The following DMRT1 variants were observed in gnomAD, a reference collection of about 807,000 sequenced individuals.
The protein encoded by DMRT1 is doublesex and mab-3 related transcription factor 1, also known as doublesex- and mab-3-related transcription factor 1.
A neutral mutation model predicts 32.3 loss-of-function variants in DMRT1; 7 were observed. That is an observed-to-expected ratio of 0.22 (90% CI 0.12 to 0.41). The LOEUF (loss-of-function observed/expected upper bound fraction) is 0.41. Among genes scored for constraint, DMRT1 ranks in the 10% least tolerant of loss-of-function variants. DMRT1 has a pLI of 1.00. For synonymous variants in DMRT1, 278 were observed against 206.1 expected, an observed-to-expected ratio of 1.35 and a Z score of -2.99; for missense variants, 625 against 500.5, an observed-to-expected ratio of 1.25 and a Z score of -2.37.
chr9:865,413 A>AT (rs1253517489), intron 2 of DMRT1, among the ~76,000 whole-genome samples: 1 of 151,818 alleles, frequency 6.6e-6, no homozygotes, highest in Non-Finnish European at 1.5e-5. Flanking sequence ...TAGAGTGCTC[A>AT]TTTTTTTCTT....
At chr9:858,480 C>T (rs139028846) in intron 2 of DMRT1, among the ~76,000 whole-genome samples, 117 of 152,196 alleles carry the variant, frequency 7.7e-4, no homozygotes, top group Middle Eastern at 3.4e-3. Context: ...TACCTACTTA[C>T]TTTTGGAGTC....
At chr9:951,323 C>T (rs1819421222) in intron 4 of DMRT1, among the ~76,000 whole-genome samples, 1 of 152,190 alleles carries the variant, frequency 6.6e-6, no homozygotes, top group African/African-American at 2.4e-5. Context: ...ACTGGTAAAT[C>T]ACTTTGAAAG....
intron 2 of DMRT1, among the ~76,000 whole-genome samples, chr9:862,493 G>T (rs1427614252): frequency 7.0e-6 from 1 of 143,494 alleles, no homozygotes; most frequent in African/African-American, 2.5e-5. Flanking sequence ...GTGCAAAGGG[G>T]AGACGAGGAC....
chr9:906,851 T>C (rs959831331), intron 3 of DMRT1, among the ~76,000 whole-genome samples: 15 of 152,210 alleles, frequency 9.9e-5, no homozygotes, highest in African/African-American at 3.6e-4. Flanking sequence ...CTCAGAAGCG[T>C]CTGAGGTGAT....
chr9:867,005 A>C (rs573050037), intron 2 of DMRT1, among the ~76,000 whole-genome samples: 27 of 152,152 alleles, frequency 1.8e-4, no homozygotes, highest in Non-Finnish European at 3.2e-4. Flanking sequence ...AAAGATGTAG[A>C]TAAACTAGAG....
intron 3 of DMRT1, among the ~76,000 whole-genome samples, chr9:913,597 ATT>A (rs113724447): frequency 6.8e-5 from 10 of 146,684 alleles, no homozygotes; most frequent in South Asian, 4.3e-4. Flanking sequence ...GCAACTGGTA[ATT>A]TTTTTTTTTT....
intron 2 of DMRT1, among the ~76,000 whole-genome samples, chr9:886,963 C>G (rs750819699): frequency 5.3e-5 from 8 of 152,198 alleles, no homozygotes; most frequent in Non-Finnish European, 1.0e-4. Flanking sequence ...TATGATCACT[C>G]AGCAGTTGAA....
At chr9:871,988 T>TAGGA (rs1234573116) in intron 2 of DMRT1, among the ~76,000 whole-genome samples, 1 of 151,504 alleles carries the variant, frequency 6.6e-6, no homozygotes, top group Non-Finnish European at 1.5e-5. Context: ...TCTGAGTAAA[T>TAGGA]AGGAAGCAGA....
At chr9:952,285 T>C (rs1314637997) in intron 4 of DMRT1, among the ~76,000 whole-genome samples, 1 of 152,208 alleles carries the variant, frequency 6.6e-6, no homozygotes, top group Non-Finnish European at 1.5e-5. Context: ...GCGTGAGTTT[T>C]AGTTAGTTGT....
chr9:947,692 C>T (rs189712165), intron 4 of DMRT1, among the ~76,000 whole-genome samples: 10 of 152,202 alleles, frequency 6.6e-5, no homozygotes, highest in African/African-American at 1.7e-4. Flanking sequence ...GGCGCGATCT[C>T]GGCTCACTGC....
At chr9:948,695 C>T (rs1205808224) in intron 4 of DMRT1, among the ~76,000 whole-genome samples, 1 of 152,064 alleles carries the variant, frequency 6.6e-6, no homozygotes, top group African/African-American at 2.4e-5. Context: ...AGGCAGCAAA[C>T]AGTTGAGTGG....
intron 4 of DMRT1, among the ~76,000 whole-genome samples, chr9:923,562 T>G (rs4637907): frequency 0.7 from 106,908 of 151,996 alleles, 38,365 homozygotes; most frequent in South Asian, 0.89. Flanking sequence ...ATCATGACTT[T>G]CCCCCATTTT....
intron 2 of DMRT1, among the ~76,000 whole-genome samples, chr9:881,328 T>TA (rs755599991): frequency 7.2e-5 from 11 of 152,232 alleles, no homozygotes; most frequent in Non-Finnish European, 1.5e-4. Flanking sequence ...GGAAGCTATG[T>TA]GAAACAATAT....
At chr9:947,188 C>T (rs373819950) in intron 4 of DMRT1, among the ~76,000 whole-genome samples, 151 of 152,312 alleles carry the variant, frequency 9.9e-4, no homozygotes, top group Non-Finnish European at 1.3e-3. Flanking sequence ...CAGCCACATG[C>T]GGCCCAGAAT....
intron 4 of DMRT1, among the ~76,000 whole-genome samples, chr9:927,158 A>G (rs752669639): frequency 1.4e-4 from 21 of 152,194 alleles, no homozygotes; most frequent in Non-Finnish European, 2.8e-4. Context: ...CTTCAGAGGC[A>G]CGGCCCAGGC....
chr9:919,656 G>C (rs987579934), intron 4 of DMRT1, among the ~76,000 whole-genome samples: 1 of 152,162 alleles, frequency 6.6e-6, no homozygotes, highest in African/African-American at 2.4e-5. Flanking sequence ...AGCACAGGGT[G>C]ATTTGTCTGT....
chr9:924,033 T>G (rs1204808243), intron 4 of DMRT1, among the ~76,000 whole-genome samples: 2 of 150,932 alleles, frequency 1.3e-5, no homozygotes, highest in Non-Finnish European at 2.9e-5. Context: ...CTTGCTCAGG[T>G]CCCCAGCTCT....
intron 2 of DMRT1, among the ~76,000 whole-genome samples, chr9:887,974 C>G (rs1221433050): frequency 6.6e-6 from 1 of 152,130 alleles, no homozygotes; most frequent in Non-Finnish European, 1.5e-5. Context: ...AAAAATACAA[C>G]TTAAGGTCAA....
intron 4 of DMRT1, among the ~76,000 whole-genome samples, chr9:943,349 C>A (rs1235777377): frequency 6.6e-6 from 1 of 152,158 alleles, no homozygotes; most frequent in Admixed American, 6.5e-5. Context: ...GTAACAGGAG[C>A]CCTGGGGCAG....
Sources: allele counts gnomAD v4.1 joint callset (sites outside exome capture counted in the v4.1 genomes callset), GRCh38; gene constraint gnomAD v4.1.1; transcripts MANE v1.5; gene names NCBI Gene and HGNC (gene_info 2026-07-23, HGNC 2026-07-21).